The following KIAA1671 variants were observed in gnomAD, a reference collection of about 807,000 sequenced individuals.
KIAA1671 encodes the protein KIAA1671, also known as uncharacterized protein KIAA1671.
KIAA1671 carries 52 observed loss-of-function variants against 131.2 expected under a neutral mutation model. That is an observed-to-expected ratio of 0.40 (90% CI 0.32 to 0.50). The LOEUF (loss-of-function observed/expected upper bound fraction) is 0.50. Ranked by LOEUF, KIAA1671 falls within the 20% of genes least tolerant of loss-of-function variation. The probability of loss-of-function intolerance (pLI) is 0.73; values close to 1 mark genes in which losing one functional copy is unlikely to be tolerated. For synonymous variants in KIAA1671, 1,003 were observed against 961.6 expected (o/e 1.04, Z -0.80); for missense variants, 2,360 against 2,364.2 (o/e 1.00, Z 0.04).
At chr22:25,126,767 G>T (rs747916171) in intron 6 of KIAA1671, among the ~76,000 whole-genome samples, 8 of 152,190 alleles carry the variant, frequency 5.3e-5, no homozygotes, top group Non-Finnish European at 8.8e-5. Flanking sequence ...CATTGTTGAG[G>T]CATTGGAGGC....
intron 6 of KIAA1671, among the ~76,000 whole-genome samples, chr22:25,087,470 C>A (rs1007927080): frequency 3.2e-4 from 48 of 152,246 alleles, no homozygotes; most frequent in African/African-American, 1.1e-3. Flanking sequence ...TATAACCCAG[C>A]TACTCAGGAG....
At chr22:25,027,786 G>A (rs959832956) in intron 2 of KIAA1671, among the ~76,000 whole-genome samples, 159 bp from the exon 3 acceptor site, 2 of 152,210 alleles carry the variant, frequency 1.3e-5, no homozygotes, top group East Asian at 1.9e-4. Context: ...GCTCAGAGAC[G>A]GGGAGAGGCA....
chr22:25,085,360 C>CTTTT (rs1281486514), intron 6 of KIAA1671, among the ~76,000 whole-genome samples: 2 of 152,182 alleles, frequency 1.3e-5, no homozygotes, highest in African/African-American at 4.8e-5. Context: ...GTGGGCCGAT[C>CTTTT]TTTTTCTCTT....
intron 9 of KIAA1671, among the ~76,000 whole-genome samples, chr22:25,180,840 G>T (rs1320105242): frequency 6.6e-6 from 1 of 152,162 alleles, no homozygotes; most frequent in Non-Finnish European, 1.5e-5. Context: ...GCACTTTCTT[G>T]GTTTTCTGAG....
At position 24,992,671 on chromosome 22, in the gene KIAA1671, C is replaced by T. The variant is rs189474706; in HGVS notation, c.-207-32962C>T. 1.5e-3 allele frequency among the ~76,000 whole-genome samples: 224 copies of T among 151,828 alleles called. 2 individuals carry two copies. The Middle Eastern group carries it at 0.024, about 16-fold the overall frequency. On this transcript the variant is annotated intron_variant, in intron 1 of 12. Transcript: ENST00000358431. Reference sequence around the variant, plus strand: ...CTCTACTAAAAATACAAAAATTAGGCGGGTGTGGTGGTGCATGCCTATAGT... The same window carrying T: ...CTCTACTAAAAATACAAAAATTAGGTGGGTGTGGTGGTGCATGCCTATAGT...
intron 6 of KIAA1671, among the ~76,000 whole-genome samples, chr22:25,138,258 G>A (rs2145956019): frequency 6.6e-6 from 1 of 152,336 alleles, no homozygotes; most frequent in African/African-American, 2.4e-5. Context: ...CCGGCTGCAT[G>A]GCTGATGGAA....
chr22:25,021,944 G>A lies in KIAA1671; in HGVS notation c.-207-3689G>A, dbSNP rs985620143. On this transcript the variant is annotated intron_variant, in intron 1 of 12. Coordinates refer to ENST00000358431, the MANE Select transcript of KIAA1671 (RefSeq NM_001145206.2). ...TGAGACTACAGGCACCCGCCACCAC[G>A]CCCAGCTAATTTTTTGTATTTTTAG... 1.3e-4 allele frequency among the ~76,000 whole-genome samples: 19 copies of A among 151,934 alleles called. 1 individual carries two copies. The highest frequency in any genetic ancestry group is 9.2e-4 in the Admixed American group (14 of 15,244).
Position 25,028,804 on chromosome 22 carries a change from C to T in KIAA1671, c.805C>T (p.Pro269Ser), listed in dbSNP as rs1926107383. Reference protein sequence around the residue: ...GAAATVGKVPPTPPEKTWVRK... With the variant: ...GAAATVGKVPSTPPEKTWVRK... ...AGCGGCCACAGTGGGCAAAGTGCCA[C>T]CCACCCCTCCCGAGAAGACGTGGGT... is the stretch of plus-strand genomic sequence containing the variant. The change falls in exon 3 of 13, where the codon CCC (proline) becomes TCC (serine). Residue 269 changes from proline to serine, a missense_variant. By Grantham distance (74) the Pro-to-Ser change is moderately conservative. Transcript: ENST00000358431. 1.9e-5 allele frequency: 29 copies of T among 1,551,016 alleles called. No homozygotes were observed. Among genetic ancestry groups the T allele is most frequent in the Non-Finnish European group, 2.3e-5 (26 of 1,146,980 alleles).
chr22:24,992,865 T>C (rs971523853), intron 1 of KIAA1671, among the ~76,000 whole-genome samples: 1 of 148,766 alleles, frequency 6.7e-6, no homozygotes, highest in African/African-American at 2.5e-5. Flanking sequence ...TTTTGATGTA[T>C]ATTCTTAGCA....
chr22:25,097,358 C>T (rs756819514), intron 6 of KIAA1671, among the ~76,000 whole-genome samples: 2 of 152,146 alleles, frequency 1.3e-5, no homozygotes, highest in Non-Finnish European at 2.9e-5. Flanking sequence ...ACAATAAGGA[C>T]GTGTATTACC....
At chr22:25,093,721 A>T (rs56166329) in intron 6 of KIAA1671, among the ~76,000 whole-genome samples, 1,214 of 92,956 alleles carry the variant, frequency 0.013, 120 homozygotes, top group African/African-American at 0.035. Context: ...ACACACACAC[A>T]CACACACACA....
chr22:24,987,590 C>T (rs1006624743), intron 1 of KIAA1671, among the ~76,000 whole-genome samples: 4 of 152,182 alleles, frequency 2.6e-5, no homozygotes, highest in African/African-American at 9.7e-5. Context: ...CCTGCCTCAG[C>T]CTCCTGAGTA....
At chr22:25,117,794 A>C (rs1931751460) in intron 6 of KIAA1671, among the ~76,000 whole-genome samples, 1 of 152,104 alleles carries the variant, frequency 6.6e-6, no homozygotes, top group Non-Finnish European at 1.5e-5. Flanking sequence ...GGTGGCTTAA[A>C]TTAATATAAC....
At position 25,181,820 on chromosome 22, in the gene KIAA1671, A is replaced by G. The variant is rs1257375618; in HGVS notation, c.5196A>G (p.Leu1732=). 8 of 1,551,278 alleles carry G rather than the reference A, an allele frequency of 5.2e-6. No homozygotes were observed. Among genetic ancestry groups the G allele is most frequent in the Non-Finnish European group, 7.0e-6 (8 of 1,146,852 alleles). The part of the protein sequence containing the change: ...PAFPGMDPAV[L]KAQLHKRPEV... ...TTCCAGGCATGGATCCGGCAGTGCT[A>G]AAGGTACCAGACCTCTCACCAAGAG... is the stretch of plus-strand genomic sequence containing the variant. The change falls in exon 10 of 13, where the codon CTA becomes CTG. Residue 1732 remains leucine, a synonymous_variant. Transcript: ENST00000358431.
intron 1 of KIAA1671, among the ~76,000 whole-genome samples, chr22:24,958,728 T>C (rs1413624312): frequency 1.3e-5 from 2 of 151,608 alleles, no homozygotes; most frequent in African/African-American, 4.8e-5. Context: ...TCCAGCACTT[T>C]CGGAGGCAGA....
At chr22:25,008,259 A>C (rs931483868) in intron 1 of KIAA1671, among the ~76,000 whole-genome samples, 2 of 151,186 alleles carry the variant, frequency 1.3e-5, no homozygotes, top group Non-Finnish European at 2.9e-5. Flanking sequence ...TTGGCTCACC[A>C]ATTCTTCCTG....
chr22:25,079,349 C>A (rs953555164), intron 6 of KIAA1671, among the ~76,000 whole-genome samples: 1 of 152,078 alleles, frequency 6.6e-6, no homozygotes, highest in Non-Finnish European at 1.5e-5. Flanking sequence ...CCTGCCTCCG[C>A]CTCCTGAGGA....
intron 6 of KIAA1671, chr22:25,064,385 G>A (rs1056467598): frequency 1.3e-5 from 2 of 152,236 alleles, no homozygotes; most frequent in Admixed American, 1.3e-4. Flanking sequence ...CCCTTACTGT[G>A]TACTGGATTC....
intron 6 of KIAA1671, among the ~76,000 whole-genome samples, chr22:25,165,904 G>C (rs933001405): frequency 2.0e-5 from 3 of 152,132 alleles, no homozygotes; most frequent in African/African-American, 7.2e-5. Context: ...AGGGGTATGG[G>C]AGGAGGGAAG....
Sources: allele counts gnomAD v4.1 joint callset (sites outside exome capture counted in the v4.1 genomes callset), GRCh38; gene constraint gnomAD v4.1.1; transcripts MANE v1.5; gene names NCBI Gene and HGNC (gene_info 2026-07-23, HGNC 2026-07-21).